ARHGAP31: variants seen among roughly 807,000 people sequenced by gnomAD.
ARHGAP31 encodes Rho GTPase activating protein 31.
ARHGAP31 carries 34 observed loss-of-function variants against 113.9 expected under a neutral mutation model. The ratio of observed to expected loss-of-function variants is 0.30; its 90% confidence interval spans 0.23 to 0.40. The LOEUF (loss-of-function observed/expected upper bound fraction) is 0.40, where lower values mean the gene tolerates loss of function less well. ARHGAP31 is among the 10% of genes least tolerant of loss of function. ARHGAP31 has a pLI of 1.00. For synonymous variants in ARHGAP31, 650 were observed against 684.8 expected (o/e 0.95, Z 0.79); for missense variants, 1,548 against 1,767.1 (o/e 0.88, Z 2.22).
intron 1 of ARHGAP31, among the ~76,000 whole-genome samples, chr3:119,297,117 A>G (rs538144075): frequency 6.6e-6 from 1 of 152,260 alleles, no homozygotes; most frequent in Admixed American, 6.5e-5. Flanking sequence ...GAAATTAGAC[A>G]TGCATAATAT....
intron 1 of ARHGAP31, among the ~76,000 whole-genome samples, chr3:119,331,318 C>T (rs1056422269): frequency 5.9e-5 from 9 of 152,140 alleles, no homozygotes; most frequent in African/African-American, 1.9e-4. Context: ...CGATCAAAAT[C>T]GGCCCTTTAA....
At chr3:119,296,905 G>A (rs2079538103) in intron 1 of ARHGAP31, among the ~76,000 whole-genome samples, 1 of 152,290 alleles carries the variant, frequency 6.6e-6, no homozygotes, top group African/African-American at 2.4e-5. Context: ...TCCCTGGCCT[G>A]TTAGGTTCCT....
intron 7 of ARHGAP31, among the ~76,000 whole-genome samples, chr3:119,393,216 T>C (rs1235589302): frequency 6.6e-6 from 1 of 152,168 alleles, no homozygotes; most frequent in Non-Finnish European, 1.5e-5. Flanking sequence ...CACCTCTGCC[T>C]TTAATAGCAC....
chr3:119,361,662 G>A (rs896566702), intron 1 of ARHGAP31, among the ~76,000 whole-genome samples: 6 of 152,234 alleles, frequency 3.9e-5, no homozygotes, highest in East Asian at 3.9e-4. Flanking sequence ...GATTACAGGC[G>A]TGAGCCACTG....
chr3:119,353,813 T>A (rs774116008), intron 1 of ARHGAP31, among the ~76,000 whole-genome samples: 4 of 143,450 alleles, frequency 2.8e-5, no homozygotes, highest in Non-Finnish European at 6.1e-5. Flanking sequence ...AAAAAAAGTG[T>A]GTAGCTCAGG....
chr3:119,307,959 A>AAAAAAAAAAAAC (rs2079645524), intron 1 of ARHGAP31, among the ~76,000 whole-genome samples: 1 of 150,356 alleles, frequency 6.7e-6, no homozygotes, highest in Non-Finnish European at 1.5e-5. Context: ...AAAAAAAAAA[A>AAAAAAAAAAAAC]AGCTCAATCT....
At chr3:119,322,360 C>T (rs577209795) in intron 1 of ARHGAP31, among the ~76,000 whole-genome samples, 1 of 152,354 alleles carries the variant, frequency 6.6e-6, no homozygotes, top group Non-Finnish European at 1.5e-5. Flanking sequence ...CTCAAAGCGT[C>T]TAACCCACAG....
chr3:119,383,649 T>C (rs747001), intron 6 of ARHGAP31, among the ~76,000 whole-genome samples: 5,105 of 152,278 alleles, frequency 0.034, 167 homozygotes, highest in East Asian at 0.15. Context: ...TTTGAAGTCT[T>C]AGAGGAACAA....
intron 1 of ARHGAP31, among the ~76,000 whole-genome samples, chr3:119,355,957 C>G (rs1412473461): frequency 6.6e-6 from 1 of 152,100 alleles, no homozygotes. Flanking sequence ...CAAGGCTATT[C>G]TAGATGAATA....
intron 3 of ARHGAP31, among the ~76,000 whole-genome samples, chr3:119,369,457 A>G (rs930579170): frequency 5.9e-5 from 9 of 152,194 alleles, no homozygotes; most frequent in African/African-American, 2.2e-4. Context: ...TTTGAAAGTG[A>G]GACTATGGCG....
At position 119,413,936 on chromosome 3, in the gene ARHGAP31, C is replaced by T. The variant is rs907358023; in HGVS notation, c.2007C>T (p.Leu669=). The change falls in exon 12 of 12, where the codon CTC becomes CTT. Residue 669 remains leucine, a synonymous_variant. Coordinates refer to ENST00000264245, the MANE Select transcript of ARHGAP31 (RefSeq NM_020754.4). ...ELKIIESEEE[L]SSLPPPALKT... ...AAATCATTGAATCTGAGGAGGAGCTCTCATCGTTGCCACCTCCTGCTCTGA... is the reference window on the plus strand; with the variant it reads ...AAATCATTGAATCTGAGGAGGAGCTTTCATCGTTGCCACCTCCTGCTCTGA... 1 of 1,614,098 alleles carries T rather than the reference C, an allele frequency of 6.2e-7. No individual in the cohort carries two copies. Among genetic ancestry groups the T allele is most frequent in the East Asian group, 2.2e-5 (1 of 44,886 alleles).
chr3:119,309,940 C>A (rs1222604354), intron 1 of ARHGAP31, among the ~76,000 whole-genome samples: 1 of 139,602 alleles, frequency 7.2e-6, no homozygotes, highest in Non-Finnish European at 1.6e-5. Context: ...ATTAAAGGCA[C>A]TATCAACTGT....
intron 3 of ARHGAP31, among the ~76,000 whole-genome samples, chr3:119,373,420 C>G (rs952994241): frequency 1.4e-5 from 2 of 147,020 alleles, no homozygotes; most frequent in African/African-American, 5.2e-5. Flanking sequence ...CTGGCAAGCC[C>G]ATGGTGAGAC....
At chr3:119,309,312 G>A (rs1248282921) in intron 1 of ARHGAP31, among the ~76,000 whole-genome samples, 1 of 152,236 alleles carries the variant, frequency 6.6e-6, no homozygotes. Context: ...CTGCTGGCCT[G>A]TCAGTAATAT....
At chr3:119,370,781 ACGTT>A (rs2080291096) in intron 3 of ARHGAP31, among the ~76,000 whole-genome samples, 1 of 152,134 alleles carries the variant, frequency 6.6e-6, no homozygotes, top group African/African-American at 2.4e-5. Flanking sequence ...ATTTCTCAAG[ACGTT>A]CCTTTTATAA....
Position 119,416,931 on chromosome 3 carries a change from G to A in ARHGAP31, c.*667G>A, listed in dbSNP as rs1224610295. The A allele has an allele frequency of 1.9e-5, 3 of 155,942 alleles. No homozygotes were observed. The highest frequency in any genetic ancestry group is 4.2e-5 in the Non-Finnish European group (3 of 70,600). The allele number at this position is 155,942 out of a possible 1,614,324, so 9.7% of individuals were successfully genotyped here. On this transcript the variant is annotated 3_prime_UTR_variant, in exon 12 of 12. Transcript: ENST00000264245. ...TACCAGCATAGAAAATCAGAATCAA[G>A]AGCAAACTCTGAGACTGGCACAATC...
chr3:119,310,916 A>G (rs1478600013), intron 1 of ARHGAP31, among the ~76,000 whole-genome samples: 1 of 152,204 alleles, frequency 6.6e-6, no homozygotes, highest in African/African-American at 2.4e-5. Context: ...CTGAAGAAAC[A>G]GGCTTTTAAA....
At position 119,419,925 on chromosome 3, in the gene ARHGAP31, C is replaced by T. The variant is rs1413302308; in HGVS notation, c.*3661C>T. Reference sequence around the variant, plus strand: ...AAATGAGCCAGGTAAGATCAGTATTCCATAGTGCTTGAAAAGGGGATTTTA... The same window carrying T: ...AAATGAGCCAGGTAAGATCAGTATTTCATAGTGCTTGAAAAGGGGATTTTA... On this transcript the variant is annotated 3_prime_UTR_variant, in exon 12 of 12. Coordinates refer to ENST00000264245, the MANE Select transcript of ARHGAP31 (RefSeq NM_020754.4). 6.6e-6 allele frequency: 1 copy of T among 152,152 alleles called. No individual in the cohort carries two copies. Among genetic ancestry groups the T allele is most frequent in the Non-Finnish European group, 1.5e-5 (1 of 68,028 alleles). The allele number at this position is 152,152 out of a possible 1,614,324, so 9.4% of individuals were successfully genotyped here. A position where few individuals can be genotyped will look rare whatever the true frequency, so the allele number is the denominator to read the frequency against.
In ARHGAP31 at chr3:119,414,024, C is replaced by G; in HGVS notation, c.2095C>G (p.Pro699Ala). Residue 699 changes from proline (P) to alanine (A), a missense_variant, in exon 12 of 12, where the codon CCT becomes GCT. Pro to Ala is a conservative substitution (Grantham distance 27). Transcript: ENST00000264245. The part of the protein sequence containing the change: ...SLGPFIPSEP[P>A]GSLPCGSFPA... The stretch of plus-strand genomic sequence containing the variant: ...GGGGCCCTTTATTCCCTCAGAGCCT[C>G]CTGGGAGCTTGCCTTGTGGCTCCTT... The G allele has an allele frequency of 6.2e-7, 1 of 1,614,182 alleles. No individual in the cohort carries two copies. The highest frequency in any genetic ancestry group is 1.1e-5 in the South Asian group (1 of 91,086).
Sources: gnomAD v4.1 joint callset for allele counts (sites outside exome capture counted in the v4.1 genomes callset) on GRCh38, gnomAD v4.1.1 for gene constraint, MANE v1.5 for transcripts, NCBI Gene and HGNC (gene_info 2026-07-23, HGNC 2026-07-21) for gene names.